COL10A1: variants seen among roughly 807,000 people sequenced by gnomAD.
The protein encoded by COL10A1 is collagen type X alpha 1 chain.
A neutral mutation model predicts 18.2 loss-of-function variants in COL10A1; 10 were observed. The observed-to-expected ratio is 0.55, with a 90% confidence interval of 0.34 to 0.93. The LOEUF is 0.93. Ranked by LOEUF, COL10A1 falls within the 40% of genes least tolerant of loss-of-function variation. The pLI is 0.02. For synonymous variants in COL10A1, 330 were observed against 316.6 expected, an observed-to-expected ratio of 1.04 and a Z score of -0.45; for missense variants, 897 against 853.5, an observed-to-expected ratio of 1.05 and a Z score of -0.64.
At chr6:116,175,184 C>T in the COL10A1 span, among the ~76,000 whole-genome samples, 1 of 151,994 alleles carries the variant, frequency 6.6e-6, no homozygotes, top group African/African-American at 2.4e-5. Context: ...ATTGCCATTC[C>T]AATCAGGATA....
the COL10A1 span, among the ~76,000 whole-genome samples, chr6:116,204,884 G>C: frequency 6.6e-6 from 1 of 151,984 alleles, no homozygotes; most frequent in Non-Finnish European, 1.5e-5. Context: ...ATTTAAGTAC[G>C]TGGCTAGATT....
At chr6:116,157,030 C>T (rs1268382360) in intron 1 of COL10A1, among the ~76,000 whole-genome samples, 1 of 152,174 alleles carries the variant, frequency 6.6e-6, no homozygotes, top group East Asian at 1.9e-4. Context: ...AGTGCGTTCA[C>T]TTCATAGCAC....
At chr6:116,152,254 T>G (rs999594047) in intron 1 of COL10A1, among the ~76,000 whole-genome samples, 4 of 152,210 alleles carry the variant, frequency 2.6e-5, no homozygotes, top group African/African-American at 9.6e-5. Context: ...CATTTAATTT[T>G]TTTCATTTAA....
At chr6:116,187,180 G>A in the COL10A1 span, among the ~76,000 whole-genome samples, 1 of 152,056 alleles carries the variant, frequency 6.6e-6, no homozygotes, top group Non-Finnish European at 1.5e-5. Flanking sequence ...ATCTGGTACT[G>A]GGAAGTGTCT....
At chr6:116,140,553 A>G (rs1454417759) in intron 1 of COL10A1, among the ~76,000 whole-genome samples, 2 of 152,128 alleles carry the variant, frequency 1.3e-5, no homozygotes, top group Non-Finnish European at 2.9e-5. Flanking sequence ...GAAACTTAAC[A>G]TTAGCATTCT....
chr6:116,138,954 G>A (rs1002703151), intron 1 of COL10A1, among the ~76,000 whole-genome samples: 1 of 152,032 alleles, frequency 6.6e-6, no homozygotes, highest in African/African-American at 2.4e-5. Flanking sequence ...TATTAGTTTT[G>A]TGACCAGTAG....
the COL10A1 span, among the ~76,000 whole-genome samples, chr6:116,181,463 C>G: frequency 6.6e-6 from 1 of 151,982 alleles, no homozygotes; most frequent in Non-Finnish European, 1.5e-5. Context: ...AGCATCTGTT[C>G]ATAATAAAAA....
chr6:116,154,372 G>C (rs1028877703), intron 1 of COL10A1, among the ~76,000 whole-genome samples: 1 of 152,066 alleles, frequency 6.6e-6, no homozygotes. Context: ...TGGTCACCCA[G>C]TTTCCCCTCA....
chr6:116,123,442 C>A (rs1403758604), intron 2 of COL10A1, among the ~76,000 whole-genome samples: 1 of 151,266 alleles, frequency 6.6e-6, no homozygotes, highest in Non-Finnish European at 1.5e-5. Flanking sequence ...CGACTACTTC[C>A]TTCTATTAAG....
At chr6:116,169,107 G>C in the COL10A1 span, among the ~76,000 whole-genome samples, 1 of 152,126 alleles carries the variant, frequency 6.6e-6, no homozygotes, top group Non-Finnish European at 1.5e-5. Flanking sequence ...TACTTTTCTT[G>C]AAGTTGGTGT....
upstream of COL10A1, among the ~76,000 whole-genome samples, chr6:116,130,444 C>G (rs945104927): frequency 1.4e-5 from 2 of 145,078 alleles, no homozygotes; most frequent in African/African-American, 2.4e-5. Flanking sequence ...ACCATGATCC[C>G]AGTAGTTTTT....
At chr6:116,125,662 T>A in intron 1 of COL10A1, 155 bp from the exon 2 acceptor site, 1 of 610,188 alleles carries the variant, frequency 1.6e-6, no homozygotes, top group Non-Finnish European at 2.7e-6. Flanking sequence ...GAGATCATTT[T>A]TTAGTTATGT....
At chr6:116,122,341 C>T (rs952149695) in intron 2 of COL10A1, among the ~76,000 whole-genome samples, 3 of 152,096 alleles carry the variant, frequency 2.0e-5, no homozygotes, top group African/African-American at 7.2e-5. Flanking sequence ...TGTTTAAGAA[C>T]TATAAAAATT....
the COL10A1 span, among the ~76,000 whole-genome samples, chr6:116,182,165 G>A: frequency 2.6e-5 from 4 of 151,338 alleles, no homozygotes; most frequent in Admixed American, 2.0e-4. Flanking sequence ...TTTCATCCAG[G>A]TTGCTACAAA....
chr6:116,121,449 CT>C lies in COL10A1; in HGVS notation c.666del (p.Gly223ValfsTer67). ...GGCTGTCCTGGAACCCCATTTTCACCTCTTTTTCCCACTCCAGGAGGGCCAG... is the reference window on the plus strand; with the variant it reads ...GGCTGTCCTGGAACCCCATTTTCACCCTTTTTCCCACTCCAGGAGGGCCAG... Reference protein sequence around the residue: ...GPSGPPGVGKRGENGVPGQPG... With the variant: ...GPSGPPGVGKXGENGVPGQPG... On this transcript the variant is annotated frameshift_variant, in exon 3 of 3. Coordinates refer to ENST00000651968, the MANE Select transcript of COL10A1 (RefSeq NM_000493.4). LOFTEE classifies it low-confidence loss of function (END_TRUNC). 6.2e-7 allele frequency: 1 copy of C among 1,614,174 alleles called. No individual in the cohort carries two copies. The highest frequency in any genetic ancestry group is 8.5e-7 in the Non-Finnish European group (1 of 1,180,024).
chr6:116,190,028 G>A, the COL10A1 span, among the ~76,000 whole-genome samples: 1 of 151,920 alleles, frequency 6.6e-6, no homozygotes, highest in South Asian at 2.1e-4. Context: ...GTTTAATGTG[G>A]GCAGATTATT....
At chr6:116,161,821 T>C (rs1780339580), upstream of COL10A1, among the ~76,000 whole-genome samples, 1 of 152,228 alleles carries the variant, frequency 6.6e-6, no homozygotes, top group Non-Finnish European at 1.5e-5. Flanking sequence ...CTTTGGGCAG[T>C]ATAGTCATTT....
the COL10A1 span, among the ~76,000 whole-genome samples, chr6:116,175,669 T>C: frequency 8.5e-5 from 13 of 152,298 alleles, no homozygotes; most frequent in Non-Finnish European, 1.8e-4. Context: ...ACTGTTCAAG[T>C]TCAGTGATAT....
chr6:116,205,579 C>A, the COL10A1 span, among the ~76,000 whole-genome samples: 1 of 151,046 alleles, frequency 6.6e-6, no homozygotes, highest in Non-Finnish European at 1.5e-5. Context: ...AAGGAAATTC[C>A]TTAAATATGT....
Sources: gnomAD v4.1 joint callset for allele counts (sites outside exome capture counted in the v4.1 genomes callset) on GRCh38, gnomAD v4.1.1 for gene constraint, MANE v1.5 for transcripts, NCBI Gene and HGNC (gene_info 2026-07-23, HGNC 2026-07-21) for gene names.